Variants in CENPK observed in about 807,000 individuals in gnomAD.
The protein encoded by CENPK is SoxLZ/Sox6-binding protein Solt.
CENPK carries 46 observed loss-of-function variants against 40.9 expected under a neutral mutation model. The observed-to-expected ratio is 1.13, with a 90% CI of 0.89 to 1.44. The LOEUF (loss-of-function observed/expected upper bound fraction) is 1.44. Among genes scored for constraint, CENPK ranks in the 40% most tolerant of loss-of-function variants. The pLI, the probability that CENPK is intolerant of heterozygous loss-of-function variation, is 0.00. For missense variants in CENPK, 288 were observed against 303.5 expected (o/e 0.95, Z 0.38); for synonymous variants, 107 against 104.4 (o/e 1.02, Z -0.15).
intron 5 of CENPK, chr5:65,550,823 T>G (rs1749862938): frequency 6.5e-6 from 1 of 152,920 alleles, no homozygotes; most frequent in East Asian, 1.9e-4. Flanking sequence ...TGCTGTCTTC[T>G]ACTTCCTAAC....
downstream of CENPK, among the ~76,000 whole-genome samples, chr5:65,515,363 C>T (rs1742789336): frequency 6.6e-6 from 1 of 151,844 alleles, no homozygotes; most frequent in Admixed American, 6.6e-5. Flanking sequence ...CCATCACGCC[C>T]GGCTAATTTT....
the CENPK span, among the ~76,000 whole-genome samples, chr5:65,504,819 A>T: frequency 2.0e-5 from 3 of 152,152 alleles, no homozygotes; most frequent in Admixed American, 2.0e-4. Flanking sequence ...TGATTCCTTA[A>T]CCCTATCCTC....
chr5:65,542,301 C>G (rs1303989345), intron 6 of CENPK, among the ~76,000 whole-genome samples: 2 of 152,130 alleles, frequency 1.3e-5, no homozygotes, highest in Non-Finnish European at 2.9e-5. Flanking sequence ...TACATATAAC[C>G]ACTAACTTCA....
chr5:65,535,504 G>A (rs1305241975), intron 6 of CENPK, among the ~76,000 whole-genome samples: 1 of 152,126 alleles, frequency 6.6e-6, no homozygotes, highest in Non-Finnish European at 1.5e-5. Flanking sequence ...TACTCTATGC[G>A]GATGGAGTAT....
chr5:65,506,784 CAA>C, the CENPK span, among the ~76,000 whole-genome samples: 2 of 133,620 alleles, frequency 1.5e-5, no homozygotes, highest in Non-Finnish European at 1.6e-5. Context: ...CACTTGGTCT[CAA>C]AAAAAAAAAA....
chr5:65,536,912 G>A (rs966649268), intron 6 of CENPK, among the ~76,000 whole-genome samples: 5 of 152,146 alleles, frequency 3.3e-5, no homozygotes, highest in East Asian at 3.8e-4. Context: ...CAATTGGGTC[G>A]TGGGGGCTCC....
chr5:65,515,315 G>A (rs547847659), downstream of CENPK, among the ~76,000 whole-genome samples: 947 of 150,344 alleles, frequency 6.3e-3, 1 homozygote, highest in Middle Eastern at 0.024. Flanking sequence ...GCCATCCTCC[G>A]CCTCAGCCTC....
chr5:65,561,234 A>G (rs1751896966), intron 2 of CENPK: 1 of 260,064 alleles, frequency 3.8e-6, no homozygotes, highest in African/African-American at 2.2e-5. Context: ...CACAAAGCCA[A>G]AATCAGTCAT....
intron 5 of CENPK, 109 bp from the exon 6 acceptor site, chr5:65,542,957 TAATATAC>T (rs1748237868): frequency 2.2e-6 from 2 of 892,618 alleles, no homozygotes; most frequent in African/African-American, 3.4e-5. Context: ...TCCATTTATA[TAATATAC>T]AACTTTTTCT....
At chr5:65,541,321 G>T in intron 6 of CENPK, 1 of 452,380 alleles carries the variant, frequency 2.2e-6, no homozygotes, top group Non-Finnish European at 4.5e-6. Flanking sequence ...AGGCATGTGG[G>T]ACTGAGCGCT....
chr5:65,531,597 G>A (rs908072937), intron 6 of CENPK, among the ~76,000 whole-genome samples: 3 of 151,528 alleles, frequency 2.0e-5, no homozygotes, highest in East Asian at 1.9e-4. Context: ...TCTGCCTCCC[G>A]GGTTCAAGTG....
intron 9 of CENPK, 78 bp downstream of exon 9, chr5:65,528,374 T>A (rs1048517866): frequency 2.9e-6 from 4 of 1,358,192 alleles, no homozygotes; most frequent in East Asian, 2.6e-5. Flanking sequence ...TTGAACTAAA[T>A]AAGAAAATAT....
intron 2 of CENPK, among the ~76,000 whole-genome samples, chr5:65,556,422 C>T (rs762276002): frequency 6.6e-6 from 1 of 152,078 alleles, no homozygotes; most frequent in Non-Finnish European, 1.5e-5. Flanking sequence ...TTATAGTAAG[C>T]TATGATCACA....
intron 5 of CENPK, among the ~76,000 whole-genome samples, chr5:65,548,426 A>G (rs942792826): frequency 6.6e-6 from 1 of 152,068 alleles, no homozygotes; most frequent in African/African-American, 2.4e-5. Context: ...CTGATGACTG[A>G]TCAGGTTAGT....
At position 65,528,932 on chromosome 5, in the gene CENPK, A is replaced by C. The variant is rs1475383930; in HGVS notation, c.457T>G (p.Phe153Val). Residue 153 changes from phenylalanine to valine, a missense_variant, in exon 8 of 11, where the codon TTT becomes GTT. By Grantham distance (50) the Phe-to-Val change is conservative. Transcript: ENST00000396679. ...TAAAATTAATACCTTGATTCAGAAA[A>C]TGTTTCAACCTTATTTTTCAATTCA... ...HSELKNKVET[F>V]SESRIFNELK... is the part of the protein sequence containing the mutation. 1.3e-6 allele frequency: 2 copies of C among 1,554,880 alleles called. No homozygotes were observed. The highest frequency in any genetic ancestry group is 1.8e-6 in the Non-Finnish European group (2 of 1,139,276).
At chr5:65,537,586 C>T (rs1747164269) in intron 6 of CENPK, among the ~76,000 whole-genome samples, 1 of 152,188 alleles carries the variant, frequency 6.6e-6, no homozygotes, top group Non-Finnish European at 1.5e-5. Context: ...AGGTGTGAGC[C>T]ACCACGCCCG....
chr5:65,539,355 T>C (rs981493341), intron 6 of CENPK, among the ~76,000 whole-genome samples: 2 of 152,186 alleles, frequency 1.3e-5, no homozygotes, highest in African/African-American at 2.4e-5. Flanking sequence ...TTGAAGCAAA[T>C]TGATCTCCAA....
chr5:65,545,362 ACACACACACACACACACACG>A, intron 5 of CENPK, among the ~76,000 whole-genome samples: 1 of 115,474 alleles, frequency 8.7e-6, no homozygotes, highest in Non-Finnish European at 1.9e-5. Flanking sequence ...ACACACACAC[ACACACACACACACACACACG>A]CCTTCTCTAT....
intron 6 of CENPK, among the ~76,000 whole-genome samples, chr5:65,531,148 C>G (rs1745728965): frequency 6.6e-6 from 1 of 152,112 alleles, no homozygotes; most frequent in Non-Finnish European, 1.5e-5. Flanking sequence ...GGAGCAAGAT[C>G]CTCTGCTCCC....
Sources: gnomAD v4.1 joint callset for allele counts (sites outside exome capture counted in the v4.1 genomes callset) on GRCh38, gnomAD v4.1.1 for gene constraint, MANE v1.5 for transcripts, NCBI Gene and HGNC (gene_info 2026-07-23, HGNC 2026-07-21) for gene names.